Variants in SGCD observed in about 807,000 individuals in gnomAD.
SGCD encodes sarcoglycan delta.
SGCD carries 18 observed loss-of-function variants against 36.6 expected under a neutral mutation model. That is an observed-to-expected ratio of 0.49 (90% CI 0.34 to 0.73). The LOEUF is 0.73. SGCD is among the 30% of genes least tolerant of loss of function. SGCD has a pLI of 0.01. For synonymous variants in SGCD, 133 were observed against 130.6 expected (o/e 1.02, Z -0.12); for missense variants, 387 against 346.7 (o/e 1.12, Z -0.92).
chr5:156,491,577 C>T (rs1244398691), intron 3 of SGCD, among the ~76,000 whole-genome samples: 4 of 152,150 alleles, frequency 2.6e-5, no homozygotes, highest in Non-Finnish European at 2.9e-5. Context: ...ATGTGCACTC[C>T]ATAAATAAGT....
chr5:156,208,288 A>T (rs1020973945), intron 3 of SGCD, among the ~76,000 whole-genome samples: 10 of 152,216 alleles, frequency 6.6e-5, no homozygotes, highest in African/African-American at 2.4e-4. Flanking sequence ...AAATCAGATG[A>T]AACAAACTTC....
At chr5:156,599,570 T>C (rs1047162073) in intron 6 of SGCD, among the ~76,000 whole-genome samples, 1 of 152,216 alleles carries the variant, frequency 6.6e-6, no homozygotes, top group Non-Finnish European at 1.5e-5. Context: ...TTTCTCTGGA[T>C]AACCACACCC....
At chr5:156,246,932 A>G (rs4704996) in intron 3 of SGCD, among the ~76,000 whole-genome samples, 34,032 of 152,084 alleles carry the variant, frequency 0.22, 4,433 homozygotes, top group East Asian at 0.62. Context: ...ATCTCAATGA[A>G]GGATATTGCT....
At chr5:156,128,157 G>T (rs745397195) in intron 3 of SGCD, among the ~76,000 whole-genome samples, 1 of 151,996 alleles carries the variant, frequency 6.6e-6, no homozygotes, top group Non-Finnish European at 1.5e-5. Context: ...ACAAGCAGTG[G>T]TGCTTAATTT....
intron 6 of SGCD, among the ~76,000 whole-genome samples, chr5:156,601,609 G>A (rs138895166): frequency 6.6e-6 from 1 of 152,282 alleles, no homozygotes; most frequent in Non-Finnish European, 1.5e-5. Flanking sequence ...TGGCTATTTG[G>A]AGTCTTCTGT....
intron 6 of SGCD, among the ~76,000 whole-genome samples, chr5:156,609,437 T>C (rs1436301078): frequency 6.6e-6 from 1 of 152,216 alleles, no homozygotes; most frequent in Non-Finnish European, 1.5e-5. Context: ...TGGGCTTCCC[T>C]TTGTGGGTAA....
intron 3 of SGCD, among the ~76,000 whole-genome samples, chr5:156,296,825 G>T (rs1045800401): frequency 4.6e-5 from 7 of 151,786 alleles, no homozygotes; most frequent in Non-Finnish European, 1.0e-4. Flanking sequence ...CTTCTTTCTG[G>T]TTCTGTCCAT....
intron 1 of SGCD, among the ~76,000 whole-genome samples, chr5:156,036,146 T>C (rs1234881426): frequency 6.6e-6 from 1 of 152,162 alleles, no homozygotes; most frequent in African/African-American, 2.4e-5. Context: ...ATTGAGATTG[T>C]CACTAAATAA....
At chr5:156,503,327 C>T (rs1756537505) in intron 3 of SGCD, among the ~76,000 whole-genome samples, 1 of 152,030 alleles carries the variant, frequency 6.6e-6, no homozygotes, top group African/African-American at 2.4e-5. Flanking sequence ...GCAGAAGATT[C>T]CTTCTGATTA....
At chr5:156,714,080 T>C (rs1477341521) in intron 7 of SGCD, among the ~76,000 whole-genome samples, 1 of 152,248 alleles carries the variant, frequency 6.6e-6, no homozygotes, top group South Asian at 2.1e-4. Flanking sequence ...AATTCCATAC[T>C]TGTGAATTTG....
Position 156,157,102 on chromosome 5 carries a change from G to A in SGCD, c.-44+33083G>A, listed in dbSNP as rs1005465354. 2.6e-5 allele frequency among the ~76,000 whole-genome samples: 4 copies of A among 151,620 alleles called. No individual in the cohort carries two copies. The South Asian group carries it at 6.2e-4, about 24-fold the overall frequency. ...GATATGTCACACTTGTTAAAGACAG[G>A]ATTCTGATGATGTGCTTAACTTTAG... On this transcript the variant is annotated intron_variant, in intron 3 of 9. Coordinates refer to the SGCD transcript ENST00000517913.
At chr5:156,219,340 A>G (rs1764659119) in intron 3 of SGCD, among the ~76,000 whole-genome samples, 1 of 152,252 alleles carries the variant, frequency 6.6e-6, no homozygotes, top group Non-Finnish European at 1.5e-5. Flanking sequence ...TGTTAAAAAT[A>G]AACACATCGA....
intron 1 of SGCD, among the ~76,000 whole-genome samples, chr5:156,050,709 C>T (rs1229677009): frequency 6.8e-6 from 1 of 146,740 alleles, no homozygotes; most frequent in Non-Finnish European, 1.5e-5. Flanking sequence ...AAGGTGTCAG[C>T]AGGGCTGCAT....
chr5:156,282,629 G>C (rs1766482918), intron 3 of SGCD, among the ~76,000 whole-genome samples: 1 of 152,166 alleles, frequency 6.6e-6, no homozygotes, highest in Admixed American at 6.5e-5. Flanking sequence ...GATGCTATTA[G>C]ATCCTTAATT....
intron 3 of SGCD, among the ~76,000 whole-genome samples, chr5:156,415,162 TAGA>T (rs1353085462): frequency 1.3e-5 from 2 of 152,148 alleles, no homozygotes; most frequent in Non-Finnish European, 2.9e-5. Context: ...TCTCGTATTC[TAGA>T]AGAAGATGAA....
chr5:156,056,381 A>G (rs184474122), intron 1 of SGCD, among the ~76,000 whole-genome samples: 2 of 145,802 alleles, frequency 1.4e-5, no homozygotes, highest in Admixed American at 1.4e-4. Context: ...CAGGGGCCAC[A>G]AGATTCCAAA....
chr5:155,771,900 T>C, the SGCD span, among the ~76,000 whole-genome samples: 5 of 152,184 alleles, frequency 3.3e-5, no homozygotes, highest in Non-Finnish European at 5.9e-5. Flanking sequence ...ATAAGCAGAC[T>C]GCCTAATAAT....
In SGCD at chr5:156,605,379, C is replaced by T. The variant is rs551091893; in HGVS notation, c.502+10328C>T. ...TCCATGTCCCTACAAAGGACATGAA[C>T]TCATCATTTTTTATGGCTGCATAGT... is the stretch of plus-strand genomic sequence containing the variant. On this transcript the variant is annotated intron_variant, in intron 6 of 8. Coordinates refer to ENST00000337851, the MANE Select transcript of SGCD (RefSeq NM_000337.6). Among the ~76,000 whole-genome samples the T allele has an allele frequency of 3.3e-5, 5 of 152,308 alleles. No homozygotes were observed. The East Asian group carries it at 7.7e-4, about 24-fold the overall frequency.
At chr5:156,388,870 C>T (rs192808904) in intron 3 of SGCD, among the ~76,000 whole-genome samples, 37 of 152,244 alleles carry the variant, frequency 2.4e-4, no homozygotes, top group Non-Finnish European at 4.1e-4. Context: ...TATAGAATAT[C>T]GAGACCAGAA....
Sources: allele counts gnomAD v4.1 joint callset (sites outside exome capture counted in the v4.1 genomes callset), GRCh38; gene constraint gnomAD v4.1.1; transcripts MANE v1.5; gene names NCBI Gene and HGNC (gene_info 2026-07-23, HGNC 2026-07-21).